DLG2: variants seen among roughly 807,000 people sequenced by gnomAD.
DLG2 encodes disks large homolog 2.
Under a neutral mutation model 132.5 loss-of-function variants are expected in DLG2, and 45 were observed. The ratio of observed to expected loss-of-function variants is 0.34; its 90% confidence interval spans 0.27 to 0.44. The LOEUF (loss-of-function observed/expected upper bound fraction) is 0.44. Ranked by LOEUF, DLG2 falls within the 20% of genes least tolerant of loss-of-function variation. The pLI, the probability that DLG2 is intolerant of heterozygous loss-of-function variation, is 1.00. For synonymous variants in DLG2, 424 were observed against 419.6 expected (o/e 1.01, Z -0.13); for missense variants, 1,045 against 1,196.9 (o/e 0.87, Z 1.87).
chr11:85,251,263 T>C (rs2076381233), intron 4 of DLG2, among the ~76,000 whole-genome samples: 1 of 152,198 alleles, frequency 6.6e-6, no homozygotes, highest in Non-Finnish European at 1.5e-5. Context: ...TCTTCAAACA[T>C]GTAATATTGT....
intron 7 of DLG2, among the ~76,000 whole-genome samples, chr11:84,371,197 A>T (rs886139914): frequency 6.6e-6 from 1 of 152,142 alleles, no homozygotes; most frequent in Non-Finnish European, 1.5e-5. Context: ...ATAAATAAGA[A>T]GTCAGATAAC....
chr11:84,572,247 G>C (rs935232497), intron 6 of DLG2, among the ~76,000 whole-genome samples: 1 of 152,054 alleles, frequency 6.6e-6, no homozygotes, highest in Non-Finnish European at 1.5e-5. Context: ...TTACAAAAAT[G>C]ATTACAATTC....
At chr11:84,814,161 G>C (rs17741171) in intron 6 of DLG2, among the ~76,000 whole-genome samples, 9,900 of 152,032 alleles carry the variant, frequency 0.065, 425 homozygotes, top group Middle Eastern at 0.12. Flanking sequence ...CTCAAAGAAA[G>C]TTTGCAGTGG....
intron 15 of DLG2, among the ~76,000 whole-genome samples, chr11:83,889,967 G>C (rs887223516): frequency 8.5e-6 from 1 of 117,022 alleles, no homozygotes; most frequent in Non-Finnish European, 1.7e-5. Flanking sequence ...TTGTGGGGTG[G>C]GGGGAGGGGG....
At chr11:83,749,485 CTT>C (rs1275863538) in intron 18 of DLG2, among the ~76,000 whole-genome samples, 1 of 152,106 alleles carries the variant, frequency 6.6e-6, no homozygotes, top group Non-Finnish European at 1.5e-5. Context: ...TTGTCTCTCT[CTT>C]GGTTATACTG....
chr11:83,804,826 C>A (rs2045497551), intron 17 of DLG2, among the ~76,000 whole-genome samples: 1 of 152,042 alleles, frequency 6.6e-6, no homozygotes, highest in African/African-American at 2.4e-5. Context: ...ATGTCTTTTA[C>A]AGATTTTTTT....
chr11:84,107,013 T>TGTGA (rs1555348732), intron 9 of DLG2, among the ~76,000 whole-genome samples: 40 of 126,200 alleles, frequency 3.2e-4, no homozygotes, highest in Middle Eastern at 4.5e-3. Context: ...TGTGTGTGTG[T>TGTGA]GAGAGAGTTT....
At chr11:85,542,535 A>T (rs182718969) in intron 3 of DLG2, among the ~76,000 whole-genome samples, 2 of 152,326 alleles carry the variant, frequency 1.3e-5, no homozygotes, top group Admixed American at 1.3e-4. Flanking sequence ...CATATCTTCA[A>T]TATCAGCATT....
chr11:84,650,873 G>GTGTATATATA (rs1424393386), intron 6 of DLG2, among the ~76,000 whole-genome samples: 1 of 123,990 alleles, frequency 8.1e-6, no homozygotes, highest in Non-Finnish European at 1.7e-5. Flanking sequence ...GTGTGTGTGT[G>GTGTATATATA]TATATATATA....
chr11:84,844,013 CCATA>C (rs949710760), intron 6 of DLG2, among the ~76,000 whole-genome samples: 1 of 143,168 alleles, frequency 7.0e-6, no homozygotes, highest in African/African-American at 2.6e-5. Flanking sequence ...TATTATGTTC[CCATA>C]CATATTTTTA....
chr11:84,687,791 A>AT (rs2099739400), intron 6 of DLG2, among the ~76,000 whole-genome samples: 2 of 152,170 alleles, frequency 1.3e-5, no homozygotes, highest in Admixed American at 1.3e-4. Context: ...TACACATTAA[A>AT]TGTCAAAAAA....
intron 7 of DLG2, among the ~76,000 whole-genome samples, chr11:84,366,402 C>T (rs1418169394): frequency 6.6e-6 from 1 of 151,746 alleles, no homozygotes; most frequent in Non-Finnish European, 1.5e-5. Flanking sequence ...GAAACTGCAT[C>T]AACTAACGAG....
chr11:83,825,749 A>T (rs2052561311), intron 17 of DLG2, among the ~76,000 whole-genome samples: 2 of 152,138 alleles, frequency 1.3e-5, no homozygotes, highest in African/African-American at 4.8e-5. Context: ...ACAGTGAAAC[A>T]CACTTGTGTG....
intron 5 of DLG2, among the ~76,000 whole-genome samples, chr11:85,138,650 G>T (rs1393836348): frequency 6.6e-6 from 1 of 152,108 alleles, no homozygotes. Context: ...CATGGATGCC[G>T]GTCTTTCCCA....
chr11:84,214,980 T>C (rs2096816771), intron 8 of DLG2, among the ~76,000 whole-genome samples: 1 of 152,234 alleles, frequency 6.6e-6, no homozygotes. Context: ...CTGTCACCTA[T>C]GGCAGAAGCT....
chr11:84,515,311 A>G (rs1320162734), intron 7 of DLG2, among the ~76,000 whole-genome samples: 1 of 150,246 alleles, frequency 6.7e-6, no homozygotes, highest in East Asian at 2.0e-4. Flanking sequence ...ACACACACAC[A>G]CACACCCCAA....
intron 22 of DLG2, chr11:83,483,306 G>A (rs759437677): frequency 6.2e-7 from 1 of 1,611,492 alleles, no homozygotes; most frequent in Non-Finnish European, 8.5e-7. Context: ...GTCCTGCATG[G>A]AAGTCCCCAG....
chr11:84,640,980 T>C (rs1265301171), intron 6 of DLG2, among the ~76,000 whole-genome samples: 2 of 149,476 alleles, frequency 1.3e-5, no homozygotes, highest in Non-Finnish European at 3.0e-5. Flanking sequence ...AAAAAACAAC[T>C]ATTGATTTGG....
chr11:85,177,932 A>G (rs987922136), intron 4 of DLG2, among the ~76,000 whole-genome samples: 9 of 152,102 alleles, frequency 5.9e-5, no homozygotes, highest in African/African-American at 1.9e-4. Context: ...ATTAAAGGCT[A>G]TTTTACAAAA....
Sources: allele counts gnomAD v4.1 joint callset (sites outside exome capture counted in the v4.1 genomes callset), GRCh38; gene constraint gnomAD v4.1.1; transcripts MANE v1.5; gene names NCBI Gene and HGNC (gene_info 2026-07-23, HGNC 2026-07-21).